ACP2: variants seen among roughly 807,000 people sequenced by gnomAD.
The protein encoded by ACP2 is lysosomal acid phosphatase.
In ACP2, 35 loss-of-function variants were observed where a neutral mutation model predicts 54.7. The observed-to-expected ratio is 0.64, with a 90% confidence interval of 0.49 to 0.85. The LOEUF (loss-of-function observed/expected upper bound fraction) is 0.85, where lower values mean the gene tolerates loss of function less well. Among genes scored for constraint, ACP2 ranks in the 40% least tolerant of loss-of-function variants. The pLI is 0.00. For synonymous variants in ACP2, 210 were observed against 224.4 expected (o/e 0.94, Z 0.57); for missense variants, 492 against 565.0 (o/e 0.87, Z 1.31).
At chr11:47,244,195 A>G (rs551276002) in intron 7 of ACP2, among the ~76,000 whole-genome samples, 1 of 151,572 alleles carries the variant, frequency 6.6e-6, no homozygotes, top group South Asian at 2.1e-4. Flanking sequence ...TTGGGAGGCC[A>G]AGGTGGGTGG....
intron 4 of ACP2, 30 bp downstream of exon 4, chr11:47,245,652 C>A (rs1954041857): frequency 2.5e-6 from 4 of 1,613,428 alleles, no homozygotes; most frequent in Non-Finnish European, 3.4e-6. Context: ...TGTCCCCTCA[C>A]CACCCCAGGG....
rs781662797 is a variant in ACP2 at position 47,248,122 on chromosome 11, A to G, written c.126T>C (p.His42=). 1.9e-6 allele frequency: 3 copies of G among 1,606,694 alleles called. No homozygotes were observed. Among genetic ancestry groups the G allele is most frequent in the Non-Finnish European group, 2.5e-6 (3 of 1,177,774 alleles). The part of the protein sequence containing the change: ...SLRFVTLLYR[H]GDRSPVKTYP... ...ATGTCTTCACTGGTGAACGGTCTCC[A>G]TGGCGGTACAGCTGAGAGAATAAAA... The change falls in exon 2 of 11, where the codon CAT becomes CAC. Residue 42 remains histidine (H), a synonymous_variant. Coordinates refer to ENST00000672073, the MANE Select transcript of ACP2 (RefSeq NM_001610.4).
In ACP2 at chr11:47,245,519, C is replaced by A. The variant is rs143294431; in HGVS notation, c.504G>T (p.Glu168Asp). The A allele has an allele frequency of 8.7e-6, 14 of 1,614,128 alleles. No homozygotes were observed. The highest frequency in any genetic ancestry group is 1.2e-5 in the Non-Finnish European group (14 of 1,180,048). Residue 168 changes from glutamate (E) to aspartate (D), a missense_variant, in exon 5 of 11, where the codon GAG becomes GAT. Coordinates refer to ENST00000672073, the MANE Select transcript of ACP2 (RefSeq NM_001610.4). ...PCPRYEQLQNETRQTPEYQNE... is the reference protein window; with the variant it reads ...PCPRYEQLQNDTRQTPEYQNE... Reference sequence around the variant, plus strand: ...TCTGATACTCTGGTGTCTGCCGGGTCTCGTTCTGCAGCTGCTCATAACGGG... The same window carrying A: ...TCTGATACTCTGGTGTCTGCCGGGTATCGTTCTGCAGCTGCTCATAACGGG...
chr11:47,242,985 C>T lies in ACP2; in HGVS notation c.962+33G>A, dbSNP rs113080778. 3,006 of 1,613,322 alleles carry T rather than the reference C, an allele frequency of 1.9e-3. 55 individuals carry two copies. In the African/African-American group the frequency reaches 0.035, roughly 19 times the overall value. Reference sequence around the variant, plus strand: ...CTGCCCCGAGCCACCTCCCGAGGGCCCCCCTCCAGAGGACACTGCTAGCTC... The same window carrying T: ...CTGCCCCGAGCCACCTCCCGAGGGCTCCCCTCCAGAGGACACTGCTAGCTC... On this transcript the variant is annotated intron_variant, in intron 9 of 10. Transcript: ENST00000672073.
chr11:47,240,794 C>T (rs1457136670), intron 10 of ACP2, among the ~76,000 whole-genome samples: 1 of 149,940 alleles, frequency 6.7e-6, no homozygotes, highest in Non-Finnish European at 1.5e-5. Context: ...GCACTCCAGC[C>T]TGGGTGACAG....
At chr11:47,248,410 A>T in intron 1 of ACP2, 2 of 1,530,526 alleles carry the variant, frequency 1.3e-6, no homozygotes. Flanking sequence ...CAACTGGGGA[A>T]AAAAGATAAC....
At chr11:47,244,106 T>C (rs1953967626) in intron 7 of ACP2, among the ~76,000 whole-genome samples, 1 of 151,872 alleles carries the variant, frequency 6.6e-6, no homozygotes, top group Non-Finnish European at 1.5e-5. Context: ...CACTCTACTA[T>C]AGCCTGGGTG....
Position 47,245,757 on chromosome 11 carries a change from G to T in ACP2, c.375C>A (p.Asn125Lys), listed in dbSNP as rs143920356. 6 of 1,613,218 alleles carry T rather than the reference G, an allele frequency of 3.7e-6. No homozygotes were observed. In the African/African-American group the frequency reaches 6.7e-5, roughly 18 times the overall value. ...EANLAGLFPPNGMQRFNPNIS... is the reference protein window; with the variant it reads ...EANLAGLFPPKGMQRFNPNIS... ...TGTTCGGGTTGAAGCGCTGCATCCC[G>T]TTGGGAGGGAAGAGTCCAGCCAGGT... Residue 125 changes from asparagine to lysine, a missense_variant, in exon 4 of 11, where the codon AAC becomes AAA. Asn to Lys is a moderately conservative substitution (Grantham distance 94, BLOSUM62 0). Transcript: ENST00000672073.
intron 1 of ACP2, 92 bp from the exon 2 acceptor site, chr11:47,248,225 T>G: frequency 7.9e-7 from 1 of 1,272,650 alleles, no homozygotes; most frequent in Non-Finnish European, 1.1e-6. Flanking sequence ...GGGAAGGAAG[T>G]CTCATTCCCT....
At chr11:47,247,490 TC>T in intron 3 of ACP2, 150 bp downstream of exon 3, 1 of 883,562 alleles carries the variant, frequency 1.1e-6, no homozygotes. Context: ...AGGGCTTTGT[TC>T]CAGACAGCTC....
intron 6 of ACP2, chr11:47,245,089 G>A: frequency 1.1e-6 from 1 of 928,198 alleles, no homozygotes; most frequent in Non-Finnish European, 1.7e-6. Context: ...AGGAGCTCTG[G>A]GTGGAGAGCA....
intron 9 of ACP2, 52 bp from the exon 10 acceptor site, chr11:47,242,950 G>A: frequency 6.2e-7 from 1 of 1,610,012 alleles, no homozygotes; most frequent in Non-Finnish European, 8.5e-7. Flanking sequence ...CCCATCATGG[G>A]GTCCTTGGGC....
rs749050118 is a variant in ACP2, at chr11:47,245,525, C to T, written c.498G>A (p.Gln166=). 2 of 1,614,140 alleles carry T rather than the reference C, an allele frequency of 1.2e-6. No homozygotes were observed. The highest frequency in any genetic ancestry group is 2.7e-5 in the African/African-American group (2 of 74,952). Residue 166 remains glutamine, a synonymous_variant, in exon 5 of 11, where the codon CAG becomes CAA. Coordinates refer to ENST00000672073, the MANE Select transcript of ACP2 (RefSeq NM_001610.4). ...ACTCTGGTGTCTGCCGGGTCTCGTT[C>T]TGCAGCTGCTCATAACGGGGACATG... The part of the protein sequence containing the change: ...LGPCPRYEQL[Q]NETRQTPEYQ...
In ACP2 at chr11:47,240,104, G is replaced by A; in HGVS notation, c.*12C>T. On this transcript the variant is annotated 3_prime_UTR_variant, in exon 11 of 11. Coordinates refer to ENST00000672073, the MANE Select transcript of ACP2 (RefSeq NM_001610.4). The stretch of plus-strand genomic sequence containing the variant: ...TCCCCTAGGAGGTGGAGGGAAGGGG[G>A]CTGAGTGGTTGTCAGGCGTGGTCCT... The A allele has an allele frequency of 3.7e-6, 6 of 1,611,652 alleles. No individual in the cohort carries two copies. Among genetic ancestry groups the A allele is most frequent in the Non-Finnish European group, 5.1e-6 (6 of 1,179,074 alleles).
At chr11:47,248,015 G>C (rs1235765544) in intron 2 of ACP2, 23 bp downstream of exon 2, 2 of 1,563,994 alleles carry the variant, frequency 1.3e-6, no homozygotes, top group Middle Eastern at 1.7e-4. Context: ...CTCATCCTGA[G>C]GAAAGGCTGG....
Position 47,240,052 on chromosome 11 carries a change from C to T in ACP2, c.*64G>A, listed in dbSNP as rs1274823687. 24 of 1,539,694 alleles carry T rather than the reference C, an allele frequency of 1.6e-5. No individual in the cohort carries two copies. The highest frequency in any genetic ancestry group is 3.8e-5 in the Admixed American group (2 of 52,256). On this transcript the variant is annotated 3_prime_UTR_variant, in exon 11 of 11. Coordinates refer to ENST00000672073, the MANE Select transcript of ACP2 (RefSeq NM_001610.4). ...CTGTCCATGGGCTGGGGAGCAGCAA[C>T]AGTCAGGAGCGAGGGCCCAGCCCAC... is the stretch of plus-strand genomic sequence containing the variant.
Position 47,248,738 on chromosome 11 carries a change from G to C in ACP2, c.52C>G (p.Leu18Val). 1 of 1,610,326 alleles carries C rather than the reference G, an allele frequency of 6.2e-7. No individual in the cohort carries two copies. Among genetic ancestry groups the C allele is most frequent in the Non-Finnish European group, 8.5e-7 (1 of 1,178,598 alleles). Residue 18 changes from leucine to valine, a missense_variant, in exon 1 of 11, where the codon CTC becomes GTC. Leu to Val is a conservative substitution (Grantham distance 32). Coordinates refer to ENST00000672073, the MANE Select transcript of ACP2 (RefSeq NM_001610.4). ...GGCATCACCACCAGGTTCACGCCGA[G>C]AAGGAGCTGGAGGAGAGCCGCCCGG... ...WSRAALLQLL[L>V]GVNLVVMPPT...
intron 10 of ACP2, 89 bp downstream of exon 10, chr11:47,242,634 G>C (rs887277407): frequency 6.7e-7 from 1 of 1,490,950 alleles, no homozygotes; most frequent in Non-Finnish European, 9.2e-7. Context: ...CAGTCAAATG[G>C]CTGGAAGTGC....
At chr11:47,240,648 C>T (rs1165306866) in intron 10 of ACP2, among the ~76,000 whole-genome samples, 1 of 152,082 alleles carries the variant, frequency 6.6e-6, no homozygotes, top group African/African-American at 2.4e-5. Flanking sequence ...GGTGAAATGC[C>T]GTCTCTACTA....
Sources: allele counts gnomAD v4.1 joint callset (sites outside exome capture counted in the v4.1 genomes callset), GRCh38; gene constraint gnomAD v4.1.1; transcripts MANE v1.5; gene names NCBI Gene and HGNC (gene_info 2026-07-23, HGNC 2026-07-21).